Variants in PASD1 observed in about 807,000 individuals in gnomAD.
The protein encoded by PASD1 is PAS domain containing repressor 1, also known as circadian clock protein PASD1.
A neutral mutation model predicts 58.8 loss-of-function variants in PASD1; 13 were observed. The observed-to-expected ratio is 0.22, with a 90% confidence interval of 0.14 to 0.35. PASD1 has a LOEUF of 0.35. Ranked by LOEUF, PASD1 falls within the 10% of genes least tolerant of loss-of-function variation. The pLI, the probability that PASD1 is intolerant of heterozygous loss-of-function variation, is 1.00. For missense variants in PASD1, 734 were observed against 568.3 expected, an observed-to-expected ratio of 1.29 and a Z score of -2.96; for synonymous variants, 236 against 216.7, an observed-to-expected ratio of 1.09 and a Z score of -0.78.
chrX:151,653,689 TTC>T (rs2014165360), intron 9 of PASD1, among the ~76,000 whole-genome samples: 1 of 79,714 alleles, frequency 1.3e-5, no homozygotes, highest in Non-Finnish European at 2.5e-5. Context: ...CCTTCCTTCC[TTC>T]CCTCCTCCTC....
rs142175391 is a variant in PASD1 at position 151,602,263 on chromosome X, C to G, written c.28+682C>G. Among the ~76,000 whole-genome samples, 286 of 111,926 alleles carry G rather than the reference C, an allele frequency of 2.6e-3. 1 individual carries two copies. The highest frequency in any genetic ancestry group is 8.9e-3 in the African/African-American group (275 of 30,784). On this transcript the variant is annotated intron_variant, in intron 2 of 15. Transcript: ENST00000370357. Reference sequence around the variant, plus strand: ...ATCTTATATCCTTTGTCCAACATCTCCCCACTCCTTCATCTCTTACTTTTG... The same window carrying G: ...ATCTTATATCCTTTGTCCAACATCTGCCCACTCCTTCATCTCTTACTTTTG...
chrX:151,648,503 G>C (rs1046276914), intron 8 of PASD1, 112 bp from the exon 9 acceptor site: 1 of 726,621 alleles, frequency 1.4e-6, no homozygotes, highest in African/African-American at 2.1e-5. Context: ...TTCTGTAGTA[G>C]GGAAAATAAA....
chrX:151,563,897 G>A lies in PASD1; in HGVS notation c.-28+58G>A, dbSNP rs1232603327. ...AAGTAAAATGCCTTGGGGTGGCGGC[G>A]GGGAGCCAGCCCCTTTGTCCCTCGG... On this transcript the variant is annotated intron_variant, in intron 1 of 15. Transcript: ENST00000370357. 6.2e-5 allele frequency: 7 copies of A among 112,495 alleles called. 1 individual carries two copies. The highest frequency in any genetic ancestry group is 4.7e-4 in the Admixed American group (5 of 10,738). 9.3% of individuals were successfully genotyped at this position (112,495 alleles called of 1,213,427 possible).
At chrX:151,607,760 A>G (rs922876735) in intron 3 of PASD1, among the ~76,000 whole-genome samples, 1 of 112,096 alleles carries the variant, frequency 8.9e-6, no homozygotes, top group African/African-American at 3.2e-5. Flanking sequence ...TGGGGAACCC[A>G]GATCCCATGC....
intron 1 of PASD1, among the ~76,000 whole-genome samples, chrX:151,570,226 A>G (rs1418913188): frequency 9.0e-6 from 1 of 111,546 alleles, no homozygotes; most frequent in East Asian, 2.8e-4. Context: ...AAAATAAATT[A>G]GGAGAAACCT....
At chrX:151,601,699 G>A in intron 2 of PASD1, 118 bp downstream of exon 2, 1 of 737,672 alleles carries the variant, frequency 1.4e-6, no homozygotes, top group South Asian at 2.6e-5. Context: ...TCAGAGAAAT[G>A]TGGTTTCTCC....
intron 8 of PASD1, among the ~76,000 whole-genome samples, chrX:151,633,425 G>T (rs751670636): frequency 9.0e-6 from 1 of 111,391 alleles, no homozygotes; most frequent in Non-Finnish European, 1.9e-5. Flanking sequence ...CCATTTCCAC[G>T]CAGCTGTATT....
chrX:151,661,346 A>T (rs1857873631), intron 10 of PASD1, among the ~76,000 whole-genome samples: 1 of 111,759 alleles, frequency 8.9e-6, no homozygotes, highest in Admixed American at 9.5e-5. Flanking sequence ...TGACCATAGC[A>T]TGGTAAGGTA....
intron 7 of PASD1, 106 bp downstream of exon 7, chrX:151,623,170 C>T: frequency 1.0e-6 from 1 of 953,512 alleles, no homozygotes; most frequent in Admixed American, 2.7e-5. Context: ...TGCTAAATTA[C>T]TCAGTGTGTG....
intron 1 of PASD1, among the ~76,000 whole-genome samples, chrX:151,600,163 C>T (rs1569402911): frequency 9.0e-6 from 1 of 111,418 alleles, no homozygotes; most frequent in Non-Finnish European, 1.9e-5. Flanking sequence ...ACTCGACAGG[C>T]TGAGGCAGGA....
chrX:151,617,240 G>A, intron 4 of PASD1, among the ~76,000 whole-genome samples: 1 of 111,347 alleles, frequency 9.0e-6, no homozygotes, highest in Middle Eastern at 4.7e-3. Context: ...ACATGAGGTC[G>A]ATCATGCTTT....
chrX:151,579,903 T>C (rs2013059955), intron 1 of PASD1, among the ~76,000 whole-genome samples: 1 of 112,364 alleles, frequency 8.9e-6, no homozygotes, highest in African/African-American at 3.2e-5. Context: ...TTTATCTCAG[T>C]AGCAGTGCAG....
Position 151,620,931 on chromosome X carries a change from C to T in PASD1, c.209C>T (p.Ala70Val), listed in dbSNP as rs1406431656. The T allele has an allele frequency of 8.3e-7, 1 of 1,199,958 alleles. No individual in the cohort carries two copies. The highest frequency in any genetic ancestry group is 1.8e-5 in the African/African-American group (1 of 56,623). Residue 70 changes from alanine (A) to valine (V), a missense_variant and splice_region_variant, in exon 5 of 16, where the codon GCT becomes GTT. Coordinates refer to ENST00000370357, the MANE Select transcript of PASD1 (RefSeq NM_173493.3). ...NISSLLGHLP[A>V]EIVGKKLLSL... Reference sequence around the variant, plus strand: ...CCTCCTCCTCTCCTCTCCTGCCAGGCTGAGATTGTGGGCAAAAAATTATTA... The same window carrying T: ...CCTCCTCCTCTCCTCTCCTGCCAGGTTGAGATTGTGGGCAAAAAATTATTA...
At chrX:151,625,615 A>G (rs954704205) in intron 8 of PASD1, 85 bp downstream of exon 8, 40 of 731,273 alleles carry the variant, frequency 5.5e-5, no homozygotes, top group Non-Finnish European at 7.2e-5. Flanking sequence ...TAACACCTAC[A>G]GATATTTTTT....
chrX:151,624,188 T>C (rs1424520379), intron 7 of PASD1, among the ~76,000 whole-genome samples: 1 of 111,310 alleles, frequency 9.0e-6, no homozygotes, highest in African/African-American at 3.3e-5. Flanking sequence ...TTGGGATGTA[T>C]TTTGGAGGTA....
At chrX:151,671,508 T>A in intron 12 of PASD1, 65 bp from the exon 13 acceptor site, 1 of 1,140,765 alleles carries the variant, frequency 8.8e-7, no homozygotes, top group South Asian at 1.9e-5. Flanking sequence ...ATGCCCAGCT[T>A]GTCTTATGCC....
rs1410171009 is a variant in PASD1 at position 151,580,119 on chromosome X, C to G, written c.-28+16280C>G. On this transcript the variant is annotated intron_variant, in intron 1 of 15. Transcript: ENST00000370357. ...ATCTGTGCTCTTCATTTTTATTTCTCCCTCTTAGCTTCCAGAACACTTTAC... is the reference window on the plus strand; with the variant it reads ...ATCTGTGCTCTTCATTTTTATTTCTGCCTCTTAGCTTCCAGAACACTTTAC... Among the ~76,000 whole-genome samples, 3 of 111,932 alleles carry G rather than the reference C, an allele frequency of 2.7e-5. No individual in the cohort carries two copies. The Admixed American group carries it at 2.9e-4, about 11-fold the overall frequency.
chrX:151,619,914 G>A (rs1478020917), intron 4 of PASD1, among the ~76,000 whole-genome samples: 1 of 111,270 alleles, frequency 9.0e-6, no homozygotes, highest in African/African-American at 3.3e-5. Flanking sequence ...TTCGAATTTT[G>A]TGTTGTTTTT....
Position 151,625,436 on chromosome X carries a change from ATT to A in PASD1, c.547-8_547-7del. 3 of 1,191,301 alleles carry A rather than the reference ATT, an allele frequency of 2.5e-6. No homozygotes were observed. Among genetic ancestry groups the A allele is most frequent in the Non-Finnish European group, 3.4e-6 (3 of 881,457 alleles). On this transcript the variant is annotated splice_polypyrimidine_tract_variant and intron_variant, in intron 7 of 15. Transcript: ENST00000370357. Reference sequence around the variant, plus strand: ...ACATATTAAATGTCTAAATATTTGAATTTTTCTGCAGCAACTTTACACTTCAA... The same window carrying A: ...ACATATTAAATGTCTAAATATTTGAATTTCTGCAGCAACTTTACACTTCAA...
Sources: gnomAD v4.1 joint callset for allele counts (sites outside exome capture counted in the v4.1 genomes callset) on GRCh38, gnomAD v4.1.1 for gene constraint, MANE v1.5 for transcripts, NCBI Gene and HGNC (gene_info 2026-07-23, HGNC 2026-07-21) for gene names.